The following PCCB variants were observed in gnomAD, a reference collection of about 807,000 sequenced individuals.
PCCB encodes the protein propionyl-CoA carboxylase beta chain, mitochondrial.
PCCB carries 43 observed loss-of-function variants against 60.7 expected under a neutral mutation model. The ratio of observed to expected loss-of-function variants is 0.71; its 90% CI spans 0.55 to 0.91. The LOEUF is 0.91. Ranked by LOEUF, PCCB falls within the 40% of genes least tolerant of loss-of-function variation. The probability of loss-of-function intolerance (pLI) is 0.00; values close to 1 mark genes in which losing one functional copy is unlikely to be tolerated. For missense variants in PCCB, 766 were observed against 702.8 expected, an observed-to-expected ratio of 1.09 and a Z score of -1.02; for synonymous variants, 276 against 255.9, an observed-to-expected ratio of 1.08 and a Z score of -0.75.
chr3:136,268,096 A>ATATATATATATGTG (rs1553775749), intron 5 of PCCB, among the ~76,000 whole-genome samples: 2 of 106,554 alleles, frequency 1.9e-5, no homozygotes, highest in South Asian at 2.7e-4. Context: ...AGATATATAT[A>ATATATATATATGTG]TATATATATA....
chr3:136,285,241 T>C (rs979036537), intron 6 of PCCB, among the ~76,000 whole-genome samples: 1 of 152,028 alleles, frequency 6.6e-6, no homozygotes, highest in Non-Finnish European at 1.5e-5. Context: ...CGAAGGGAGG[T>C]GTGGGATCAA....
At chr3:136,321,745 C>T (rs1286369893) in intron 10 of PCCB, among the ~76,000 whole-genome samples, 1 of 152,200 alleles carries the variant, frequency 6.6e-6, no homozygotes, top group Non-Finnish European at 1.5e-5. Context: ...ACAGAGCTAT[C>T]CCATACCAAT....
At chr3:136,321,365 C>G (rs1317424918) in intron 10 of PCCB, among the ~76,000 whole-genome samples, 1 of 152,144 alleles carries the variant, frequency 6.6e-6, no homozygotes, top group Non-Finnish European at 1.5e-5. Flanking sequence ...TCTGTTTTCA[C>G]ACTGCTATAA....
At position 136,327,733 on chromosome 3, in the gene PCCB, G is replaced by C. The variant is rs794727092; in HGVS notation, c.1398+1G>C. 6.2e-7 allele frequency: 1 copy of C among 1,610,850 alleles called. No homozygotes were observed. Among genetic ancestry groups the C allele is most frequent in the Non-Finnish European group, 8.5e-7 (1 of 1,177,296 alleles). ...AGAGATTGCAGTCATGGGAGCAAAG[G>C]TGAGGGCCTCTTGCTTTTCCCTTTC... On this transcript the variant is annotated splice_donor_variant, in intron 13 of 14. Coordinates refer to ENST00000251654, the MANE Select transcript of PCCB (RefSeq NM_000532.5). LOFTEE classifies it high-confidence loss of function.
intron 1 of PCCB, among the ~76,000 whole-genome samples, chr3:136,253,941 C>T (rs1188790559): frequency 4.6e-5 from 7 of 151,556 alleles, no homozygotes; most frequent in African/African-American, 1.5e-4. Flanking sequence ...AGCTGCAGTG[C>T]CTGGTCAGTA....
At chr3:136,323,545 A>G (rs1007051581) in intron 10 of PCCB, among the ~76,000 whole-genome samples, 5 of 152,136 alleles carry the variant, frequency 3.3e-5, no homozygotes, top group South Asian at 2.1e-4. Context: ...GCACTTTGAG[A>G]GGCCAAGGTG....
rs1402916095 is a variant in PCCB at position 136,318,337 on chromosome 3, C to T, written c.1090+1273C>T. Among the ~76,000 whole-genome samples, 3 of 152,044 alleles carry T rather than the reference C, an allele frequency of 2.0e-5. No individual in the cohort carries two copies. In the East Asian group the frequency reaches 5.8e-4, roughly 29 times the overall value. ...CCCGGGAGGCAGAAGTTACAGTGAG[C>T]CGAGATCACGCCACTGCATGACAGA... On this transcript the variant is annotated intron_variant, in intron 10 of 14. Transcript: ENST00000251654.
chr3:136,252,980 G>A (rs1444410688), intron 1 of PCCB, among the ~76,000 whole-genome samples: 1 of 149,020 alleles, frequency 6.7e-6, no homozygotes, highest in African/African-American at 2.5e-5. Context: ...GCCAATTTGA[G>A]GTATTTTTTG....
intron 9 of PCCB, 94 bp downstream of exon 9, chr3:136,301,205 C>T: frequency 2.1e-6 from 2 of 967,444 alleles, no homozygotes; most frequent in Non-Finnish European, 1.7e-6. Context: ...GACCACTTGG[C>T]CTCCATGTCA....
At chr3:136,286,655 CTACT>C (rs1211047932) in intron 6 of PCCB, among the ~76,000 whole-genome samples, 1 of 152,148 alleles carries the variant, frequency 6.6e-6, no homozygotes, top group Non-Finnish European at 1.5e-5. Context: ...CTTAGCACGA[CTACT>C]TACTTCTTAC....
Position 136,301,090 on chromosome 3 carries a change from C to T in PCCB, c.945C>T (p.Asn315=), listed in dbSNP as rs766185451. The T allele has an allele frequency of 3.7e-6, 6 of 1,613,654 alleles. No homozygotes were observed. Among genetic ancestry groups the T allele is most frequent in the Admixed American group, 1.7e-5 (1 of 60,028 alleles). ...CTTTGGAATCAACCAAAGCCTACAA[C>T]ATGGTGGACATCATACACTCTGTAA... ...IVPLESTKAY[N]MVDIIHSVVD... The change falls in exon 9 of 15, where the codon AAC becomes AAT. Residue 315 remains asparagine, a synonymous_variant. Coordinates refer to ENST00000251654, the MANE Select transcript of PCCB (RefSeq NM_000532.5).
rs928243368 is a variant in PCCB at position 136,304,978 on chromosome 3, C to T, written c.966+3867C>T. Among the ~76,000 whole-genome samples, 14 of 122,080 alleles carry T rather than the reference C, an allele frequency of 1.1e-4. 6 individuals carry two copies. Among genetic ancestry groups the T allele is most frequent in the Admixed American group, 5.8e-4 (6 of 10,266 alleles). The allele number at this position is 122,080 out of a possible 152,430, so 80.1% of individuals were successfully genotyped here. ...GTGCTGGGATTACAGGCATGAGCCA[C>T]GGGCGCCAACCCAGCTTTTCCAATT... On this transcript the variant is annotated intron_variant, in intron 9 of 14. Transcript: ENST00000251654.
At chr3:136,254,112 A>G (rs546167973) in intron 1 of PCCB, among the ~76,000 whole-genome samples, 6 of 152,184 alleles carry the variant, frequency 3.9e-5, no homozygotes, top group African/African-American at 1.2e-4. Context: ...ATAATAGCCA[A>G]TTTGAGGTAT....
chr3:136,315,764 G>C (rs1934866010), intron 9 of PCCB, among the ~76,000 whole-genome samples: 1 of 151,884 alleles, frequency 6.6e-6, no homozygotes, highest in South Asian at 2.1e-4. Context: ...GGAGGTTAAG[G>C]CTGCAGTGAG....
intron 8 of PCCB, among the ~76,000 whole-genome samples, chr3:136,300,095 C>T (rs1357145669): frequency 6.6e-6 from 1 of 151,648 alleles, no homozygotes; most frequent in African/African-American, 2.4e-5. Context: ...CATATCTACA[C>T]ATATACATAC....
chr3:136,282,042 C>G (rs1942489142), intron 5 of PCCB, among the ~76,000 whole-genome samples: 1 of 152,094 alleles, frequency 6.6e-6, no homozygotes, highest in South Asian at 2.1e-4. Flanking sequence ...TGCTTAGCCC[C>G]TCAGCCATCA....
chr3:136,290,003 C>T (rs185327763), intron 6 of PCCB, among the ~76,000 whole-genome samples: 106 of 152,118 alleles, frequency 7.0e-4, no homozygotes, highest in Non-Finnish European at 7.6e-4. Flanking sequence ...GGCTGAGAAG[C>T]GATGTGCACA....
At chr3:136,299,586 G>GTA (rs1934124490) in intron 8 of PCCB, among the ~76,000 whole-genome samples, 1 of 102,784 alleles carries the variant, frequency 9.7e-6, no homozygotes, top group Admixed American at 8.5e-5. Context: ...GTATGTATAG[G>GTA]TATGCATGTG....
At chr3:136,286,189 C>G (rs533208989) in intron 6 of PCCB, among the ~76,000 whole-genome samples, 3 of 152,224 alleles carry the variant, frequency 2.0e-5, no homozygotes, top group Non-Finnish European at 4.4e-5. Context: ...GGATATTATT[C>G]TAAGCAGAGT....
Sources: allele counts gnomAD v4.1 joint callset (sites outside exome capture counted in the v4.1 genomes callset), GRCh38; gene constraint gnomAD v4.1.1; transcripts MANE v1.5; gene names NCBI Gene and HGNC (gene_info 2026-07-23, HGNC 2026-07-21).